GLRA1: variants seen among roughly 807,000 people sequenced by gnomAD.
GLRA1 encodes the protein glycine receptor subunit alpha-1.
Under a neutral mutation model 48.3 loss-of-function variants are expected in GLRA1, and 37 were observed. The observed-to-expected ratio is 0.77, with a 90% CI of 0.59 to 1.01. GLRA1 has a LOEUF of 1.01. Among genes scored for constraint, GLRA1 ranks in the 50% least tolerant of loss-of-function variants. GLRA1 has a pLI of 0.00. For missense variants in GLRA1, 427 were observed against 571.0 expected, an observed-to-expected ratio of 0.75 and a Z score of 2.57; for synonymous variants, 196 against 210.7, an observed-to-expected ratio of 0.93 and a Z score of 0.60.
intron 1 of GLRA1, among the ~76,000 whole-genome samples, chr5:151,896,717 A>C (rs1265156485): frequency 2.0e-5 from 3 of 152,210 alleles, no homozygotes; most frequent in African/African-American, 7.2e-5. Flanking sequence ...TCTATTAGTC[A>C]CTTAATTATT....
intron 3 of GLRA1, among the ~76,000 whole-genome samples, chr5:151,885,667 C>T (rs989887772): frequency 7.2e-5 from 11 of 152,150 alleles, no homozygotes; most frequent in Non-Finnish European, 1.5e-4. Context: ...GGCTGGAGAG[C>T]TGTAAGCAAT....
chr5:151,914,031 T>C (rs1047044531), intron 1 of GLRA1, among the ~76,000 whole-genome samples: 4 of 152,244 alleles, frequency 2.6e-5, no homozygotes, highest in African/African-American at 9.6e-5. Context: ...CCCTATGCTG[T>C]TTAATATTTT....
rs756334718 is a variant in GLRA1 at position 151,886,800 on chromosome 5, G to T, written c.185-12C>A. Reference sequence around the variant, plus strand: ...GTTCACTGGGGGACCTGCCAATCAAGAGAGATTCCTGCTTAGCCCCAAGGC... The same window carrying T: ...GTTCACTGGGGGACCTGCCAATCAATAGAGATTCCTGCTTAGCCCCAAGGC... On this transcript the variant is annotated splice_polypyrimidine_tract_variant and intron_variant, in intron 2 of 8. Transcript: ENST00000274576. The T allele has an allele frequency of 6.2e-7, 1 of 1,604,118 alleles. No individual in the cohort carries two copies. The highest frequency in any genetic ancestry group is 2.2e-5 in the East Asian group (1 of 44,830).
At position 151,822,682 on chromosome 5, in the gene GLRA1, G is replaced by A. The variant is rs773707878; in HGVS notation, c.1341C>T (p.His447=). ...IYKIVRREDV[H]NQ ...CAACCTTTCAGACCCTTCACTGGTT[G>A]TGGACGTCCTCTCTACGGACAATCT... The change falls in exon 9 of 9, where the codon CAC becomes CAT. Residue 447 remains histidine (H), a synonymous_variant. Transcript: ENST00000274576. 6.8e-6 allele frequency: 11 copies of A among 1,611,526 alleles called. No homozygotes were observed. Among genetic ancestry groups the A allele is most frequent in the Non-Finnish European group, 8.5e-6 (10 of 1,177,814 alleles).
chr5:151,839,092 A>G (rs948111544), intron 7 of GLRA1, among the ~76,000 whole-genome samples: 1 of 152,268 alleles, frequency 6.6e-6, no homozygotes, highest in Admixed American at 6.5e-5. Context: ...GGTACAGAAG[A>G]TAGTGGGATA....
intron 6 of GLRA1, 139 bp downstream of exon 6, chr5:151,854,901 C>T (rs1403469703): frequency 3.1e-6 from 3 of 976,712 alleles, no homozygotes; most frequent in African/African-American, 1.6e-5. Flanking sequence ...GTCAGAGCCA[C>T]ATTTTTGTTT....
intron 2 of GLRA1, among the ~76,000 whole-genome samples, chr5:151,888,153 A>G (rs537352702): frequency 6.6e-6 from 1 of 152,200 alleles, no homozygotes; most frequent in Non-Finnish European, 1.5e-5. Context: ...AAGTTTTCTG[A>G]TTGTGGAAAG....
chr5:151,849,456 C>CTTTCCTT (rs577318905), intron 7 of GLRA1, among the ~76,000 whole-genome samples: 1 of 29,550 alleles, frequency 3.4e-5, no homozygotes, highest in Non-Finnish European at 5.8e-5. Context: ...CTTTCCTTTC[C>CTTTCCTT]TTCCTTCCTT....
At chr5:151,877,776 T>A (rs1229471904) in intron 3 of GLRA1, among the ~76,000 whole-genome samples, 1 of 152,220 alleles carries the variant, frequency 6.6e-6, no homozygotes, top group Middle Eastern at 3.2e-3. Flanking sequence ...GAGACATGCC[T>A]TTCACTTTCT....
chr5:151,863,981 T>G (rs535160544), intron 3 of GLRA1, among the ~76,000 whole-genome samples: 1 of 152,236 alleles, frequency 6.6e-6, no homozygotes, highest in Non-Finnish European at 1.5e-5. Flanking sequence ...TCACATCTTA[T>G]AAGTCCCATG....
At chr5:151,868,981 T>C (rs1482790213) in intron 3 of GLRA1, among the ~76,000 whole-genome samples, 1 of 152,222 alleles carries the variant, frequency 6.6e-6, no homozygotes, top group Non-Finnish European at 1.5e-5. Flanking sequence ...TTTGGACCAG[T>C]GGAGCTTAGC....
At chr5:151,899,598 C>T (rs960662699) in intron 1 of GLRA1, among the ~76,000 whole-genome samples, 2 of 152,134 alleles carry the variant, frequency 1.3e-5, no homozygotes, top group Non-Finnish European at 2.9e-5. Flanking sequence ...TGTTGTGCAG[C>T]CTGGGCCCTG....
chr5:151,889,769 T>C (rs1754012617), intron 2 of GLRA1, among the ~76,000 whole-genome samples: 1 of 152,058 alleles, frequency 6.6e-6, no homozygotes, highest in South Asian at 2.1e-4. Context: ...TTTGTGTCGG[T>C]GGAAGCAGGA....
Position 151,892,203 on chromosome 5 carries a change from C to A in GLRA1, c.184+108G>T. The A allele has an allele frequency of 2.9e-6, 3 of 1,022,442 alleles. No individual in the cohort carries two copies. The South Asian group carries it at 3.9e-5, about 13-fold the overall frequency. The allele number at this position is 1,022,442 out of a possible 1,614,324, so 63.3% of individuals were successfully genotyped here. A position where few individuals can be genotyped will look rare whatever the true frequency, so the allele number is the denominator to read the frequency against. The stretch of plus-strand genomic sequence containing the variant: ...GTCTGCCTTGGGTAGAGGAAAGAGT[C>A]ATGGGATTCACACTGCGTATTTACC... On this transcript the variant is annotated intron_variant, in intron 2 of 8. Coordinates refer to ENST00000274576, the MANE Select transcript of GLRA1 (RefSeq NM_000171.4).
rs147843116 is a variant in GLRA1, at chr5:151,866,784, C to T, written c.253-6776G>A. Reference sequence around the variant, plus strand: ...GGCATGGACACAAATATCTACCACACAAAATTGAAAGTGAGAGGGTCATAA... The same window carrying T: ...GGCATGGACACAAATATCTACCACATAAAATTGAAAGTGAGAGGGTCATAA... On this transcript the variant is annotated intron_variant, in intron 3 of 8. Coordinates refer to ENST00000274576, the MANE Select transcript of GLRA1 (RefSeq NM_000171.4). Among the ~76,000 whole-genome samples the T allele has an allele frequency of 5.8e-3, 881 of 151,978 alleles. 4 individuals carry two copies. Among genetic ancestry groups the T allele is most frequent in the Middle Eastern group, 0.01 (3 of 294 alleles).
At chr5:151,848,476 C>T (rs181966216) in intron 7 of GLRA1, among the ~76,000 whole-genome samples, 1 of 152,168 alleles carries the variant, frequency 6.6e-6, no homozygotes, top group African/African-American at 2.4e-5. Flanking sequence ...AGGTGATTCT[C>T]CTACCTCAGC....
chr5:151,856,932 G>A (rs1489340287), intron 4 of GLRA1, among the ~76,000 whole-genome samples: 1 of 152,238 alleles, frequency 6.6e-6, no homozygotes, highest in Non-Finnish European at 1.5e-5. Flanking sequence ...AATCCACAAG[G>A]AGTTCTGGCA....
At chr5:151,839,412 G>T (rs1763656807) in intron 7 of GLRA1, among the ~76,000 whole-genome samples, 1 of 152,210 alleles carries the variant, frequency 6.6e-6, no homozygotes, top group Non-Finnish European at 1.5e-5. Flanking sequence ...GGACAGTTGA[G>T]TAAATCAATG....
intron 1 of GLRA1, among the ~76,000 whole-genome samples, chr5:151,914,498 T>C (rs1754691366): frequency 6.6e-6 from 1 of 152,162 alleles, no homozygotes; most frequent in African/African-American, 2.4e-5. Flanking sequence ...TGTCTGGGGG[T>C]TAGAGAACAC....
Sources: gnomAD v4.1 joint callset for allele counts (sites outside exome capture counted in the v4.1 genomes callset) on GRCh38, gnomAD v4.1.1 for gene constraint, MANE v1.5 for transcripts, NCBI Gene and HGNC (gene_info 2026-07-23, HGNC 2026-07-21) for gene names.